Variants in SOX30 observed in about 807,000 individuals in gnomAD.
The protein encoded by SOX30 is SRY-box transcription factor 30.
SOX30 carries 17 observed loss-of-function variants against 58.6 expected under a neutral mutation model. The observed-to-expected ratio is 0.29, with a 90% CI of 0.20 to 0.44. SOX30 has a LOEUF of 0.44. Among genes scored for constraint, SOX30 ranks in the 20% least tolerant of loss-of-function variants. SOX30 has a pLI of 1.00. For missense variants in SOX30, 951 were observed against 965.8 expected, an observed-to-expected ratio of 0.98 and a Z score of 0.20; for synonymous variants, 421 against 400.2, an observed-to-expected ratio of 1.05 and a Z score of -0.62.
At chr5:157,628,931 G>A (rs1022181436) in intron 4 of SOX30, among the ~76,000 whole-genome samples, 1 of 152,028 alleles carries the variant, frequency 6.6e-6, no homozygotes, top group Admixed American at 6.6e-5. Flanking sequence ...GTGAGCCACC[G>A]TGCACGGCCA....
chr5:157,645,654 C>T (rs1759170996), intron 3 of SOX30, among the ~76,000 whole-genome samples: 2 of 149,430 alleles, frequency 1.3e-5, no homozygotes, highest in Admixed American at 6.7e-5. Context: ...AGAGTGAGAC[C>T]CTGTCTGGAA....
At chr5:157,648,116 T>A (rs1759240113) in intron 2 of SOX30, among the ~76,000 whole-genome samples, 2 of 152,150 alleles carry the variant, frequency 1.3e-5, no homozygotes, top group African/African-American at 2.4e-5. Flanking sequence ...CCATGCACTG[T>A]GCATTTTCCA....
At chr5:157,660,429 T>C (rs928128260) in intron 2 of SOX30, among the ~76,000 whole-genome samples, 13 of 138,036 alleles carry the variant, frequency 9.4e-5, no homozygotes, top group Non-Finnish European at 1.8e-4. Flanking sequence ...CTCAAAAATA[T>C]AAAATAAAAT....
intron 2 of SOX30, among the ~76,000 whole-genome samples, chr5:157,667,225 G>A (rs1249937343): frequency 6.6e-6 from 1 of 152,198 alleles, no homozygotes; most frequent in Non-Finnish European, 1.5e-5. Context: ...AAAGAGATGA[G>A]CTCAGCTTGT....
At chr5:157,638,826 A>C in intron 3 of SOX30, 104 bp from the exon 4 acceptor site, 1 of 1,124,096 alleles carries the variant, frequency 8.9e-7, no homozygotes, top group Non-Finnish European at 1.3e-6. Context: ...GCCTTCATCA[A>C]TCACCTTACC....
At chr5:157,629,151 G>A (rs1365793679) in intron 4 of SOX30, among the ~76,000 whole-genome samples, 3 of 152,162 alleles carry the variant, frequency 2.0e-5, no homozygotes, top group Admixed American at 2.0e-4. Flanking sequence ...AGCTATAAGA[G>A]AGGACTAAAA....
intron 4 of SOX30, among the ~76,000 whole-genome samples, chr5:157,633,574 T>G (rs1455095858): frequency 1.3e-5 from 2 of 152,206 alleles, no homozygotes; most frequent in Non-Finnish European, 2.9e-5. Context: ...GTTTCCCTCC[T>G]CCATAAGTTT....
chr5:157,630,404 T>A (rs1429964121), intron 4 of SOX30, among the ~76,000 whole-genome samples: 3 of 152,220 alleles, frequency 2.0e-5, no homozygotes, highest in African/African-American at 7.2e-5. Context: ...TTGAATATTA[T>A]AATGTGATGC....
At chr5:157,641,561 T>A (rs982793472) in intron 3 of SOX30, among the ~76,000 whole-genome samples, 5 of 152,158 alleles carry the variant, frequency 3.3e-5, no homozygotes, top group African/African-American at 1.2e-4. Flanking sequence ...TGCAGTGAGC[T>A]GAGATCATGC....
chr5:157,649,971 T>C (rs767606810), intron 1 of SOX30, among the ~76,000 whole-genome samples: 3 of 152,182 alleles, frequency 2.0e-5, no homozygotes, highest in Non-Finnish European at 2.9e-5. Flanking sequence ...ACCTCAGTAC[T>C]TTGGGAGGCC....
At position 157,626,494 on chromosome 5, in the gene SOX30, C is replaced by T; in HGVS notation, c.2108G>A (p.Ser703Asn). The T allele has an allele frequency of 6.2e-7, 1 of 1,614,192 alleles. No individual in the cohort carries two copies. Among genetic ancestry groups the T allele is most frequent in the East Asian group, 2.2e-5 (1 of 44,886 alleles). The stretch of plus-strand genomic sequence containing the variant: ...CACAGGGTTTAAGTTTTCTTCCCCA[C>T]TGTGGCTATGACTGTTATAGTAAGA... ...GTSYYNSHSH[S>N]GEENLNPVPQ... Residue 703 changes from serine to asparagine, a missense_variant, in exon 5 of 5, where the codon AGT (serine) becomes AAT (asparagine). This residue lies in a region of SOX30 where 381 missense variants were observed against 390.0 expected (regional missense o/e 0.98). Coordinates refer to ENST00000265007, the MANE Select transcript of SOX30 (RefSeq NM_178424.2).
At chr5:157,635,258 T>G (rs1268712552) in intron 4 of SOX30, among the ~76,000 whole-genome samples, 1 of 152,236 alleles carries the variant, frequency 6.6e-6, no homozygotes, top group Non-Finnish European at 1.5e-5. Flanking sequence ...TCACTTCATT[T>G]GGTTCTTCCA....
At chr5:157,646,091 G>C (rs768453506) in intron 3 of SOX30, among the ~76,000 whole-genome samples, 5 of 151,790 alleles carry the variant, frequency 3.3e-5, no homozygotes, top group Non-Finnish European at 7.4e-5. Flanking sequence ...TAAGATATTA[G>C]GTTGTCAATT....
chr5:157,671,303 G>C (rs1457964005), intron 1 of SOX30: 1 of 364,514 alleles, frequency 2.7e-6, no homozygotes, highest in Non-Finnish European at 5.0e-6. Flanking sequence ...TCCCCACGTC[G>C]AAGCGGAAAA....
At chr5:157,653,707 A>G (rs529321761), upstream of SOX30, among the ~76,000 whole-genome samples, 1 of 152,346 alleles carries the variant, frequency 6.6e-6, no homozygotes, top group East Asian at 1.9e-4. Flanking sequence ...CTTGACGTAG[A>G]TGATTTTTGC....
intron 1 of SOX30, 24 bp from the exon 2 acceptor site, chr5:157,648,920 T>C: frequency 6.5e-7 from 1 of 1,543,546 alleles, no homozygotes; most frequent in Non-Finnish European, 8.7e-7. Context: ...ATTAAAAGGC[T>C]AAATTAATGT....
intron 4 of SOX30, among the ~76,000 whole-genome samples, chr5:157,628,139 AC>A (rs766471462): frequency 1.3e-5 from 2 of 151,896 alleles, no homozygotes; most frequent in East Asian, 1.9e-4. Context: ...ATATAGTGAG[AC>A]CCCCATCTCA....
At chr5:157,671,353 G>C in exon 1 of SOX30, 1 of 516,026 alleles carries the variant, frequency 1.9e-6, no homozygotes. Flanking sequence ...TTCCAGACCC[G>C]TCCGTCTTCA....
chr5:157,655,118 T>C (rs188806876), upstream of SOX30, among the ~76,000 whole-genome samples: 26 of 152,298 alleles, frequency 1.7e-4, no homozygotes, highest in Admixed American at 1.0e-3. Flanking sequence ...GGTGGGATTA[T>C]AGTGTGTAAG....
Sources: allele counts gnomAD v4.1 joint callset (sites outside exome capture counted in the v4.1 genomes callset), GRCh38; gene constraint gnomAD v4.1.1; regional missense constraint gnomAD v4.1.1; transcripts MANE v1.5; gene names NCBI Gene and HGNC (gene_info 2026-07-23, HGNC 2026-07-21).